NKAIN3: variants seen among roughly 807,000 people sequenced by gnomAD.
NKAIN3 encodes sodium/potassium-transporting ATPase subunit beta-1-interacting protein 3.
NKAIN3 carries 25 observed loss-of-function variants against 30.2 expected under a neutral mutation model. The observed-to-expected ratio is 0.83, with a 90% CI of 0.60 to 1.16. The LOEUF (loss-of-function observed/expected upper bound fraction) is 1.16, where lower values mean the gene tolerates loss of function less well. NKAIN3 is among the 50% of genes most tolerant of loss of function. The pLI is 0.00. For missense variants in NKAIN3, 225 were observed against 254.1 expected, an observed-to-expected ratio of 0.89 and a Z score of 0.78; for synonymous variants, 91 against 89.6, an observed-to-expected ratio of 1.02 and a Z score of -0.09.
intron 4 of NKAIN3, among the ~76,000 whole-genome samples, chr8:62,900,371 A>T (rs934444810): frequency 1.3e-5 from 2 of 152,236 alleles, no homozygotes; most frequent in Non-Finnish European, 2.9e-5. Context: ...TTACACCATC[A>T]TCCTGGGGAT....
At chr8:62,263,238 T>G (rs1812497794) in intron 1 of NKAIN3, among the ~76,000 whole-genome samples, 1 of 152,194 alleles carries the variant, frequency 6.6e-6, no homozygotes, top group Non-Finnish European at 1.5e-5. Context: ...TCCTGGTTAA[T>G]TTTCATTCTA....
At chr8:62,679,748 A>G (rs945831193) in intron 3 of NKAIN3, among the ~76,000 whole-genome samples, 2 of 152,142 alleles carry the variant, frequency 1.3e-5, no homozygotes, top group Non-Finnish European at 2.9e-5. Flanking sequence ...CTATCATGAG[A>G]ATAGCAGGGG....
chr8:62,914,615 T>C (rs1305976337), intron 4 of NKAIN3, among the ~76,000 whole-genome samples: 1 of 152,210 alleles, frequency 6.6e-6, no homozygotes, highest in Admixed American at 6.5e-5. Flanking sequence ...TTCTCCCCAA[T>C]ATCAAAAGAT....
chr8:62,813,193 C>T (rs1818548717), intron 4 of NKAIN3, among the ~76,000 whole-genome samples: 1 of 151,754 alleles, frequency 6.6e-6, no homozygotes, highest in Non-Finnish European at 1.5e-5. Flanking sequence ...TTCCCTATTC[C>T]TTTCTATTGG....
intron 2 of NKAIN3, among the ~76,000 whole-genome samples, chr8:62,583,730 A>G (rs1810374960): frequency 6.6e-6 from 1 of 152,096 alleles, no homozygotes; most frequent in Non-Finnish European, 1.5e-5. Flanking sequence ...TAATGTTACC[A>G]TTGTCAGTAT....
intron 4 of NKAIN3, among the ~76,000 whole-genome samples, chr8:62,804,679 C>T (rs914169027): frequency 1.3e-5 from 2 of 152,154 alleles, no homozygotes; most frequent in Admixed American, 6.5e-5. Context: ...CTATGACAAA[C>T]CCACAGCCAA....
At chr8:62,878,319 C>T (rs1189549032) in intron 4 of NKAIN3, among the ~76,000 whole-genome samples, 2 of 152,134 alleles carry the variant, frequency 1.3e-5, no homozygotes, top group African/African-American at 4.8e-5. Context: ...CTTTTCTTAT[C>T]AATTACTATG....
intron 1 of NKAIN3, among the ~76,000 whole-genome samples, chr8:62,562,030 G>T (rs1809598324): frequency 6.6e-6 from 1 of 152,166 alleles, no homozygotes; most frequent in Admixed American, 6.6e-5. Flanking sequence ...AGCTCAGGGT[G>T]TTGACAGTGT....
In NKAIN3 at chr8:62,979,203, C is replaced by T. The variant is rs1824019952; in HGVS notation, c.*13796C>T. Reference sequence around the variant, plus strand: ...TAATTATATTTTATTGCATATTCTTCCTAGGCTGGGTGTGTGTGTGTGAAA... The same window carrying T: ...TAATTATATTTTATTGCATATTCTTTCTAGGCTGGGTGTGTGTGTGTGAAA... On this transcript the variant is annotated 3_prime_UTR_variant, in exon 7 of 7. Transcript: ENST00000623646. 6.6e-6 allele frequency: 1 copy of T among 152,012 alleles called. No individual in the cohort carries two copies. Among genetic ancestry groups the T allele is most frequent in the African/African-American group, 2.4e-5 (1 of 41,356 alleles). The allele number at this position is 152,012 out of a possible 1,614,324, so 9.4% of individuals were successfully genotyped here.
At chr8:62,828,080 G>T (rs1819078931) in intron 4 of NKAIN3, among the ~76,000 whole-genome samples, 2 of 148,988 alleles carry the variant, frequency 1.3e-5, no homozygotes, top group African/African-American at 4.9e-5. Context: ...CTACTCAGTA[G>T]TAAAAAAAAA....
At chr8:62,540,472 G>A (rs985273647) in intron 1 of NKAIN3, among the ~76,000 whole-genome samples, 9 of 152,104 alleles carry the variant, frequency 5.9e-5, no homozygotes, top group African/African-American at 2.2e-4. Flanking sequence ...CATTCTTATA[G>A]TCATATCTTT....
intron 5 of NKAIN3, among the ~76,000 whole-genome samples, chr8:62,995,268 G>A (rs1451040483): frequency 6.6e-6 from 1 of 152,196 alleles, no homozygotes; most frequent in African/African-American, 2.4e-5. Flanking sequence ...AGCATATCCT[G>A]TTGCATGCTT....
At chr8:62,496,642 C>G (rs886751005) in intron 1 of NKAIN3, among the ~76,000 whole-genome samples, 3 of 152,000 alleles carry the variant, frequency 2.0e-5, no homozygotes, top group Non-Finnish European at 4.4e-5. Flanking sequence ...ATTTATTCAA[C>G]AGAGTTCATG....
intron 4 of NKAIN3, among the ~76,000 whole-genome samples, chr8:62,775,124 A>G (rs1442420591): frequency 6.6e-6 from 1 of 152,054 alleles, no homozygotes; most frequent in Non-Finnish European, 1.5e-5. Flanking sequence ...TTCATGGTTC[A>G]ATCTTGGGAG....
At chr8:62,602,561 A>G (rs969538589) in intron 3 of NKAIN3, among the ~76,000 whole-genome samples, 21 of 152,120 alleles carry the variant, frequency 1.4e-4, no homozygotes, top group African/African-American at 5.1e-4. Context: ...AACATTGGTC[A>G]TAAAAAGCTT....
intron 3 of NKAIN3, among the ~76,000 whole-genome samples, chr8:62,722,304 T>G (rs1003013743): frequency 1.3e-5 from 2 of 152,222 alleles, no homozygotes; most frequent in African/African-American, 2.4e-5. Flanking sequence ...ATAAAATCAT[T>G]CATTTTCTAA....
At chr8:62,754,512 T>C (rs529882456) in intron 4 of NKAIN3, among the ~76,000 whole-genome samples, 1 of 152,300 alleles carries the variant, frequency 6.6e-6, no homozygotes, top group South Asian at 2.1e-4. Flanking sequence ...ATATATTGTC[T>C]TGAATCCTCA....
intron 1 of NKAIN3, among the ~76,000 whole-genome samples, chr8:62,345,420 C>CACATATACACATATATGT (rs1311399718): frequency 8.8e-6 from 1 of 113,256 alleles, no homozygotes; most frequent in Admixed American, 8.9e-5. Context: ...TATATATACA[C>CACATATACACATATATGT]ATATATACAC....
intron 4 of NKAIN3, among the ~76,000 whole-genome samples, chr8:62,836,951 T>C (rs192786039): frequency 1.4e-3 from 211 of 152,202 alleles, no homozygotes; most frequent in African/African-American, 4.8e-3. Flanking sequence ...AAAGTTGAAG[T>C]GTGATAGGTC....
Sources: gnomAD v4.1 joint callset for allele counts (sites outside exome capture counted in the v4.1 genomes callset) on GRCh38, gnomAD v4.1.1 for gene constraint, MANE v1.5 for transcripts, NCBI Gene and HGNC (gene_info 2026-07-23, HGNC 2026-07-21) for gene names.